TRPM1: variants seen among roughly 807,000 people sequenced by gnomAD.
TRPM1 encodes transient receptor potential cation channel subfamily M member 1.
TRPM1 carries 113 observed loss-of-function variants against 149.4 expected under a neutral mutation model. That is an observed-to-expected ratio of 0.76 (90% CI 0.65 to 0.88). The LOEUF (loss-of-function observed/expected upper bound fraction) is 0.88. Among genes scored for constraint, TRPM1 ranks in the 40% least tolerant of loss-of-function variants. TRPM1 has a pLI of 0.00. For synonymous variants in TRPM1, 741 were observed against 759.5 expected, an observed-to-expected ratio of 0.98 and a Z score of 0.40; for missense variants, 1,976 against 2,038.7, an observed-to-expected ratio of 0.97 and a Z score of 0.59.
At chr15:31,042,945 A>G (rs1260616239) in intron 16 of TRPM1, among the ~76,000 whole-genome samples, 2 of 152,248 alleles carry the variant, frequency 1.3e-5, no homozygotes, top group African/African-American at 2.4e-5. Flanking sequence ...TTAGTATTCA[A>G]TGGAATAACA....
At chr15:31,004,988 G>A (rs2031933897) in intron 27 of TRPM1, among the ~76,000 whole-genome samples, 2 of 152,160 alleles carry the variant, frequency 1.3e-5, no homozygotes, top group South Asian at 2.1e-4. Flanking sequence ...GGTAATCCCA[G>A]CTACTTGGGA....
intron 1 of TRPM1, among the ~76,000 whole-genome samples, chr15:31,088,410 C>G (rs970760663): frequency 6.6e-6 from 1 of 152,178 alleles, no homozygotes; most frequent in Non-Finnish European, 1.5e-5. Context: ...CAGAAAGTGT[C>G]TGGGTTGGCA....
chr15:31,088,346 A>G (rs927695992), intron 1 of TRPM1, among the ~76,000 whole-genome samples: 3 of 152,184 alleles, frequency 2.0e-5, no homozygotes, highest in South Asian at 2.1e-4. Context: ...TTGGTTGTGG[A>G]AGCTTTCTTC....
intron 26 of TRPM1, 109 bp from the exon 27 acceptor site, chr15:31,026,380 T>A: frequency 7.3e-7 from 1 of 1,362,676 alleles, no homozygotes; most frequent in Admixed American, 1.9e-5. Flanking sequence ...TCTCCGCCAC[T>A]CCTAAGGCAG....
chr15:31,128,378 T>C (rs1013507077), intron 1 of TRPM1, among the ~76,000 whole-genome samples: 9 of 152,148 alleles, frequency 5.9e-5, no homozygotes, highest in South Asian at 4.1e-4. Flanking sequence ...GTGGGCTGCA[T>C]CGTCTGTCTT....
rs767134975 is a variant in TRPM1 at position 31,069,970 on chromosome 15, G to A, written c.279+61C>T. The stretch of plus-strand genomic sequence containing the variant: ...CCAGGTATCTGCAGTTTGGGGCTGG[G>A]AGACTGGCCGCCAATGAAAGCTGTG... On this transcript the variant is annotated intron_variant, in intron 4 of 27. Transcript: ENST00000256552. The A allele has an allele frequency of 3.1e-6, 5 of 1,613,890 alleles. No homozygotes were observed. The South Asian group carries it at 5.5e-5, about 18-fold the overall frequency.
chr15:31,107,013 T>C (rs1244588042), intron 1 of TRPM1, among the ~76,000 whole-genome samples: 1 of 152,240 alleles, frequency 6.6e-6, no homozygotes, highest in African/African-American at 2.4e-5. Flanking sequence ...ATAGTTGTCT[T>C]CATTTTTTTG....
At chr15:31,029,731 C>T (rs1202079739) in intron 23 of TRPM1, among the ~76,000 whole-genome samples, 3 of 152,148 alleles carry the variant, frequency 2.0e-5, no homozygotes, top group African/African-American at 2.4e-5. Flanking sequence ...TAACCAATCA[C>T]GCGCTCCCTA....
rs554547945 is a variant in TRPM1, at chr15:31,011,228, G to T, written c.3630-8158C>A. Among the ~76,000 whole-genome samples, 3 of 152,202 alleles carry T rather than the reference G, an allele frequency of 2.0e-5. No individual in the cohort carries two copies. The South Asian group carries it at 6.2e-4, about 32-fold the overall frequency. ...TTACACCATATTTTAAATATTCATT[G>T]TGCTAGTCTCTGTCTTAGAGAGCTT... On this transcript the variant is annotated intron_variant, in intron 27 of 27. Transcript: ENST00000256552.
upstream of TRPM1, among the ~76,000 whole-genome samples, chr15:31,102,140 T>G (rs1207953518): frequency 6.6e-6 from 1 of 152,334 alleles, no homozygotes; most frequent in South Asian, 2.1e-4. Flanking sequence ...TAATCCTTCC[T>G]CATCTAAGTT....
intron 1 of TRPM1, among the ~76,000 whole-genome samples, chr15:31,098,836 G>A (rs1016516263): frequency 1.3e-5 from 2 of 152,084 alleles, no homozygotes; most frequent in Admixed American, 6.6e-5. Flanking sequence ...GCAGACAGGG[G>A]GCCAGGGATT....
chr15:31,006,785 T>A (rs1330194084), intron 27 of TRPM1, among the ~76,000 whole-genome samples: 2 of 152,222 alleles, frequency 1.3e-5, no homozygotes, highest in East Asian at 3.8e-4. Flanking sequence ...TGGCTATTGT[T>A]ATTTTTAATT....
At chr15:31,097,506 A>C (rs1422743506) in intron 1 of TRPM1, among the ~76,000 whole-genome samples, 2 of 152,160 alleles carry the variant, frequency 1.3e-5, no homozygotes, top group Non-Finnish European at 2.9e-5. Flanking sequence ...GTAAATAGGC[A>C]ATGTATGGAT....
At chr15:31,067,826 A>C in intron 5 of TRPM1, 53 bp downstream of exon 5, 1 of 1,562,548 alleles carries the variant, frequency 6.4e-7, no homozygotes, top group Non-Finnish European at 8.8e-7. Flanking sequence ...TGGGGACCAC[A>C]GTGAGTTCTG....
rs1333660332 is a variant in TRPM1 at position 31,160,868 on chromosome 15, G to A, written c.54+38C>T. On this transcript the variant is annotated intron_variant, in intron 1 of 26. Coordinates refer to the TRPM1 transcript ENST00000542188. ...GAGACCAGTGTCCCTCTGCCCTTCCGCCCAGCTGCCCGCAGGCCACTGGCA... is the reference window on the plus strand; with the variant it reads ...GAGACCAGTGTCCCTCTGCCCTTCCACCCAGCTGCCCGCAGGCCACTGGCA... The A allele has an allele frequency of 2.7e-5, 41 of 1,533,658 alleles. No individual in the cohort carries two copies. The Admixed American group carries it at 6.3e-4, about 23-fold the overall frequency.
intron 11 of TRPM1, among the ~76,000 whole-genome samples, chr15:31,058,859 G>A (rs1358342366): frequency 2.0e-5 from 3 of 152,098 alleles, no homozygotes; most frequent in Non-Finnish European, 4.4e-5. Context: ...AGGCGGGTGG[G>A]TCACTTGAGG....
At chr15:31,060,933 G>C (rs1198583076) in intron 10 of TRPM1, among the ~76,000 whole-genome samples, 1 of 152,148 alleles carries the variant, frequency 6.6e-6, no homozygotes, top group Non-Finnish European at 1.5e-5. Flanking sequence ...AGGAAGGCTG[G>C]AACCCTGGGA....
intron 22 of TRPM1, among the ~76,000 whole-genome samples, chr15:31,032,271 A>C (rs1002932353): frequency 4.6e-5 from 7 of 152,148 alleles, no homozygotes; most frequent in Non-Finnish European, 1.0e-4. Context: ...AAATAGACTC[A>C]TTAATAATAA....
chr15:31,092,487 T>C (rs915669140), intron 1 of TRPM1, among the ~76,000 whole-genome samples: 2 of 152,198 alleles, frequency 1.3e-5, no homozygotes, highest in African/African-American at 4.8e-5. Context: ...CCCCCAGCCC[T>C]GTCCCTCATT....
Sources: gnomAD v4.1 joint callset for allele counts (sites outside exome capture counted in the v4.1 genomes callset) on GRCh38, gnomAD v4.1.1 for gene constraint, MANE v1.5 for transcripts, NCBI Gene and HGNC (gene_info 2026-07-23, HGNC 2026-07-21) for gene names.